DIAPH2: variants seen among roughly 807,000 people sequenced by gnomAD.
DIAPH2 encodes the protein diaphanous related formin 2.
A neutral mutation model predicts 92.7 loss-of-function variants in DIAPH2; 35 were observed. That is an observed-to-expected ratio of 0.38 (90% confidence interval 0.29 to 0.50). The LOEUF is 0.50. Among genes scored for constraint, DIAPH2 ranks in the 20% least tolerant of loss-of-function variants. The probability of loss-of-function intolerance (pLI) is 0.94; values close to 1 mark genes in which losing one functional copy is unlikely to be tolerated. For missense variants in DIAPH2, 701 were observed against 819.5 expected, an observed-to-expected ratio of 0.86 and a Z score of 1.77; for synonymous variants, 301 against 280.4, an observed-to-expected ratio of 1.07 and a Z score of -0.73.
At chrX:96,910,643 C>A (rs1356794013) in intron 5 of DIAPH2, among the ~76,000 whole-genome samples, 2 of 111,030 alleles carry the variant, frequency 1.8e-5, no homozygotes, top group Non-Finnish European at 3.8e-5. Context: ...ATTCTATTAA[C>A]CATACAGCCA....
chrX:97,264,316 C>T (rs1378715036), intron 23 of DIAPH2, among the ~76,000 whole-genome samples: 1 of 111,347 alleles, frequency 9.0e-6, no homozygotes, highest in Admixed American at 9.6e-5. Flanking sequence ...GCTCTATAGG[C>T]ACAGATGATT....
chrX:97,008,529 C>A (rs1186147630), intron 17 of DIAPH2, among the ~76,000 whole-genome samples: 1 of 111,363 alleles, frequency 9.0e-6, no homozygotes, highest in Non-Finnish European at 1.9e-5. Flanking sequence ...GTAGTCTTGG[C>A]ACTCGGGGCT....
chrX:97,163,642 T>C (rs150512720), intron 22 of DIAPH2, among the ~76,000 whole-genome samples: 2,244 of 112,109 alleles, frequency 0.02, 48 homozygotes, highest in African/African-American at 0.069. Flanking sequence ...AGACCACCCT[T>C]CCAGGCTCTT....
intron 4 of DIAPH2, among the ~76,000 whole-genome samples, chrX:96,805,044 G>T (rs184402908): frequency 1.1e-4 from 12 of 111,034 alleles, no homozygotes; most frequent in Non-Finnish European, 2.3e-4. Flanking sequence ...GAGTTCCCTG[G>T]TGATAACCCT....
chrX:97,046,751 A>G (rs1198791541), intron 17 of DIAPH2, among the ~76,000 whole-genome samples: 1 of 111,867 alleles, frequency 8.9e-6, no homozygotes, highest in Non-Finnish European at 1.9e-5. Context: ...TGGACCATGG[A>G]ATTTAAACTA....
chrX:97,242,815 C>T (rs1253207591), intron 22 of DIAPH2, among the ~76,000 whole-genome samples: 2 of 108,334 alleles, frequency 1.8e-5, no homozygotes, highest in Non-Finnish European at 3.8e-5. Flanking sequence ...GAGGTGGAGT[C>T]TTGTTCTGTT....
chrX:97,470,768 T>C (rs2070555858), intron 26 of DIAPH2, among the ~76,000 whole-genome samples: 1 of 110,255 alleles, frequency 9.1e-6, no homozygotes, highest in Non-Finnish European at 1.9e-5. Context: ...ATATTCAACT[T>C]AATAAGAACA....
chrX:97,145,282 C>CAGTAGTAGTAGTAGT (rs3044923), intron 22 of DIAPH2, among the ~76,000 whole-genome samples: 7,145 of 92,011 alleles, frequency 0.078, 431 homozygotes, highest in African/African-American at 0.18. Flanking sequence ...GAACTACTAC[C>CAGTAGTAGTAGTAGT]AGTAGTAGTA....
intron 17 of DIAPH2, among the ~76,000 whole-genome samples, chrX:97,020,316 G>C (rs928633946): frequency 8.9e-6 from 1 of 111,937 alleles, no homozygotes; most frequent in African/African-American, 3.2e-5. Context: ...GTGCATGTGT[G>C]TGTGCATGTA....
intron 26 of DIAPH2, among the ~76,000 whole-genome samples, chrX:97,474,140 A>C (rs764922060): frequency 2.5e-4 from 28 of 112,201 alleles, no homozygotes; most frequent in Non-Finnish European, 5.1e-4. Flanking sequence ...CAAAGCCTAA[A>C]ATATTTACTA....
intron 17 of DIAPH2, among the ~76,000 whole-genome samples, chrX:96,978,457 A>T (rs1341212795): frequency 9.1e-6 from 1 of 110,097 alleles, no homozygotes; most frequent in African/African-American, 3.3e-5. Context: ...AAATTTTGTT[A>T]TTAGGTGTCT....
chrX:97,505,976 G>T, intron 26 of DIAPH2, among the ~76,000 whole-genome samples: 1 of 109,352 alleles, frequency 9.1e-6, no homozygotes, highest in East Asian at 2.9e-4. Flanking sequence ...AACCAACCTT[G>T]CAAGAATTCA....
At chrX:97,538,201 A>G (rs991753723) in intron 26 of DIAPH2, among the ~76,000 whole-genome samples, 2 of 111,754 alleles carry the variant, frequency 1.8e-5, no homozygotes, top group Admixed American at 9.5e-5. Flanking sequence ...AATTCTTGAC[A>G]TATAGAAACT....
At chrX:97,492,415 C>G (rs1016953005) in intron 26 of DIAPH2, among the ~76,000 whole-genome samples, 4 of 111,031 alleles carry the variant, frequency 3.6e-5, no homozygotes, top group African/African-American at 1.3e-4. Context: ...GAATGAGACC[C>G]TGTCTCAAAA....
intron 5 of DIAPH2, chrX:96,884,475 C>G (rs1246184401): frequency 8.3e-7 from 1 of 1,211,505 alleles, no homozygotes; most frequent in South Asian, 1.8e-5. Context: ...ACCAGCTTCT[C>G]AGCTCTACTG....
chrX:96,786,733 T>C (rs1352738614), intron 4 of DIAPH2, among the ~76,000 whole-genome samples: 1 of 111,725 alleles, frequency 9.0e-6, no homozygotes, highest in Non-Finnish European at 1.9e-5. Flanking sequence ...AGCAATAATT[T>C]AATGTTTTGT....
intron 4 of DIAPH2, among the ~76,000 whole-genome samples, chrX:96,761,731 C>T (rs2147602824): frequency 9.0e-6 from 1 of 111,028 alleles, no homozygotes; most frequent in Non-Finnish European, 1.9e-5. Context: ...TTAACGCAGG[C>T]TCACATTCTT....
intron 25 of DIAPH2, among the ~76,000 whole-genome samples, chrX:97,385,592 C>T (rs2069592448): frequency 9.0e-6 from 1 of 111,450 alleles, no homozygotes; most frequent in Non-Finnish European, 1.9e-5. Flanking sequence ...ATTATCATCT[C>T]ATTTTACAGA....
intron 26 of DIAPH2, among the ~76,000 whole-genome samples, chrX:97,503,155 AACTGTT>A (rs1331079561): frequency 8.0e-5 from 9 of 112,209 alleles, no homozygotes; most frequent in African/African-American, 9.7e-5. Flanking sequence ...AGCATTTATG[AACTGTT>A]ACTAAGTTCC....
Sources: allele counts gnomAD v4.1 joint callset (sites outside exome capture counted in the v4.1 genomes callset), GRCh38; gene constraint gnomAD v4.1.1; transcripts MANE v1.5; gene names NCBI Gene and HGNC (gene_info 2026-07-23, HGNC 2026-07-21).